DAP3: variants seen among roughly 807,000 people sequenced by gnomAD.
DAP3 encodes the protein death associated protein 3.
DAP3 carries 28 observed loss-of-function variants against 51.9 expected under a neutral mutation model. That is an observed-to-expected ratio of 0.54 (90% CI 0.40 to 0.74). The LOEUF (loss-of-function observed/expected upper bound fraction) is 0.74, where lower values mean the gene tolerates loss of function less well. Ranked by LOEUF, DAP3 falls within the 30% of genes least tolerant of loss-of-function variation. DAP3 has a pLI of 0.00. For synonymous variants in DAP3, 170 were observed against 170.3 expected, an observed-to-expected ratio of 1.00 and a Z score of 0.01; for missense variants, 458 against 483.5, an observed-to-expected ratio of 0.95 and a Z score of 0.49.
chr1:155,714,850 A>G (rs1445359282), intron 2 of DAP3, among the ~76,000 whole-genome samples: 3 of 152,312 alleles, frequency 2.0e-5, no homozygotes, highest in Non-Finnish European at 4.4e-5. Flanking sequence ...ATGTCATAAA[A>G]TGGGTGTAAG....
chr1:155,712,722 G>C (rs575901752), intron 2 of DAP3, among the ~76,000 whole-genome samples: 362 of 152,008 alleles, frequency 2.4e-3, no homozygotes, highest in Non-Finnish European at 3.4e-3. Flanking sequence ...GATCATGTGG[G>C]CCCAGGAATT....
At chr1:155,732,115 A>C in intron 11 of DAP3, 82 bp downstream of exon 11, 1 of 1,266,220 alleles carries the variant, frequency 7.9e-7, no homozygotes, top group Non-Finnish European at 1.1e-6. Context: ...ATGTATTTTG[A>C]CATAATTTCA....
intron 2 of DAP3, among the ~76,000 whole-genome samples, chr1:155,712,869 T>C (rs1161910591): frequency 6.6e-6 from 1 of 152,156 alleles, no homozygotes; most frequent in African/African-American, 2.4e-5. Flanking sequence ...CTGCTTTCTC[T>C]CCAGCTAAAG....
At chr1:155,729,961 TC>T (rs1659021658) in intron 9 of DAP3, among the ~76,000 whole-genome samples, 1 of 151,454 alleles carries the variant, frequency 6.6e-6, no homozygotes, top group Admixed American at 6.6e-5. Flanking sequence ...ATGACTGTAA[TC>T]CCAGTTACTC....
intron 4 of DAP3, 99 bp from the exon 5 acceptor site, chr1:155,725,283 C>A: frequency 1.0e-6 from 1 of 959,080 alleles, no homozygotes; most frequent in Non-Finnish European, 1.7e-6. Flanking sequence ...GGCATGCAAT[C>A]TGATGGTCTT....
At position 155,720,776 on chromosome 1, in the gene DAP3, C is replaced by T. The variant is rs535657683; in HGVS notation, c.169-741C>T. Among the ~76,000 whole-genome samples the T allele has an allele frequency of 7.2e-5, 11 of 151,762 alleles. No homozygotes were observed. In the East Asian group the frequency reaches 7.8e-4, roughly 11 times the overall value. On this transcript the variant is annotated intron_variant, in intron 3 of 12. Transcript: ENST00000368336. ...AGGCTGGGCTAGGCGCTGTGGCTCA[C>T]GCCTGTAATCCCAGCACTTTGGGAG...
At chr1:155,732,310 A>G (rs1386471191) in intron 11 of DAP3, 2 of 201,338 alleles carry the variant, frequency 9.9e-6, no homozygotes, top group African/African-American at 2.4e-5. Flanking sequence ...GCTCACTGCA[A>G]CCTCCGCCTT....
intron 3 of DAP3, among the ~76,000 whole-genome samples, chr1:155,720,324 CAAAAAAAAAAAAAAAA>C (rs61252469): frequency 6.1e-5 from 2 of 32,788 alleles, no homozygotes; most frequent in East Asian, 9.4e-4. Context: ...GATCTTGTCT[CAAAAAAAAAAAAAAAA>C]AAAAAAAAAA....
chr1:155,730,376 G>A (rs1162288500), intron 9 of DAP3, among the ~76,000 whole-genome samples: 1 of 152,046 alleles, frequency 6.6e-6, no homozygotes, highest in Non-Finnish European at 1.5e-5. Context: ...GAGGCCAAGA[G>A]GTGATTTGCT....
chr1:155,705,166 A>G (rs1471356102), intron 1 of DAP3, among the ~76,000 whole-genome samples: 16 of 151,324 alleles, frequency 1.1e-4, no homozygotes, highest in Admixed American at 1.1e-3. Flanking sequence ...CGTGCCTGTA[A>G]TTCCAGCTAC....
rs905673349 is a variant in DAP3 at position 155,707,214 on chromosome 1, C to T, written c.-7-2559C>T. Among the ~76,000 whole-genome samples, 9 of 152,152 alleles carry T rather than the reference C, an allele frequency of 5.9e-5. No homozygotes were observed. In the South Asian group the frequency reaches 1.7e-3, roughly 28 times the overall value. On this transcript the variant is annotated intron_variant, in intron 1 of 12. Transcript: ENST00000368336. The stretch of plus-strand genomic sequence containing the variant: ...GGATCACAAGGTCAGGAGATCGAGA[C>T]CATCCTGGCTAACATGGTGAAACCC...
upstream of DAP3, chr1:155,689,039 C>T (rs1304552576): frequency 3.2e-6 from 5 of 1,567,614 alleles, no homozygotes; most frequent in Non-Finnish European, 4.3e-6. Context: ...GGTTGGAGGC[C>T]GCGGCGGCTG....
chr1:155,688,021 C>T (rs377366225), upstream of DAP3: 34 of 1,518,420 alleles, frequency 2.2e-5, no homozygotes, highest in African/African-American at 4.2e-5. Context: ...AGGATTCAAT[C>T]GCTGAGAGAG....
chr1:155,704,467 T>C (rs1440023589), intron 1 of DAP3, among the ~76,000 whole-genome samples: 4 of 152,122 alleles, frequency 2.6e-5, no homozygotes, highest in Admixed American at 1.3e-4. Flanking sequence ...CCGGGGAGCA[T>C]TGAGAAGATC....
intron 3 of DAP3, among the ~76,000 whole-genome samples, chr1:155,717,579 G>A (rs966785378): frequency 6.6e-6 from 1 of 152,182 alleles, no homozygotes; most frequent in African/African-American, 2.4e-5. Context: ...ACAAATGGGT[G>A]TGAACATGTT....
intron 11 of DAP3, 25 bp from the exon 12 acceptor site, chr1:155,736,921 T>C: frequency 6.4e-7 from 1 of 1,567,984 alleles, no homozygotes; most frequent in Non-Finnish European, 8.8e-7. Flanking sequence ...AACTAACATG[T>C]TTCCTGATCC....
intron 11 of DAP3, among the ~76,000 whole-genome samples, chr1:155,736,354 ATG>A (rs916976797): frequency 6.6e-6 from 1 of 151,978 alleles, no homozygotes; most frequent in African/African-American, 2.4e-5. Context: ...TACACACAAT[ATG>A]TGTGTGTGCG....
upstream of DAP3, chr1:155,688,767 C>G (rs1391968847): frequency 2.6e-6 from 4 of 1,529,314 alleles, no homozygotes; most frequent in Non-Finnish European, 3.5e-6. Context: ...CCAGCACCCC[C>G]ACCCTACACT....
Position 155,708,701 on chromosome 1 carries a change from AT to A in DAP3, c.-7-1051del, listed in dbSNP as rs1179008308. On this transcript the variant is annotated intron_variant, in intron 1 of 12. Transcript: ENST00000368336. ...AGGTGCATATCACCACTCCTGACTA[AT>A]TTTTTTTTTTTTTTTTTTTTGAGAC... Among the ~76,000 whole-genome samples the A allele has an allele frequency of 3.0e-3, 380 of 125,886 alleles. 1 individual carries two copies. The highest frequency in any genetic ancestry group is 6.8e-3 in the African/African-American group (231 of 33,884). 82.6% of individuals were successfully genotyped at this position (125,886 alleles called of 152,430 possible).
Sources: gnomAD v4.1 joint callset for allele counts (sites outside exome capture counted in the v4.1 genomes callset) on GRCh38, gnomAD v4.1.1 for gene constraint, MANE v1.5 for transcripts, NCBI Gene and HGNC (gene_info 2026-07-23, HGNC 2026-07-21) for gene names.